CATSPERD: variants seen among roughly 807,000 people sequenced by gnomAD.
The protein encoded by CATSPERD is catsper channel auxiliary subunit delta, also known as cation channel sperm-associated auxiliary subunit delta.
CATSPERD carries 86 observed loss-of-function variants against 98.1 expected under a neutral mutation model. The ratio of observed to expected loss-of-function variants is 0.88; its 90% CI spans 0.74 to 1.05. The LOEUF (loss-of-function observed/expected upper bound fraction) is 1.05. CATSPERD is among the 50% of genes least tolerant of loss of function. The pLI, the probability that CATSPERD is intolerant of heterozygous loss-of-function variation, is 0.00. For missense variants in CATSPERD, 995 were observed against 1,005.7 expected (o/e 0.99, Z 0.14); for synonymous variants, 394 against 390.2 (o/e 1.01, Z -0.12).
chr19:5,748,964 A>G, intron 10 of CATSPERD, 137 bp from the exon 11 acceptor site: 2 of 554,934 alleles, frequency 3.6e-6, no homozygotes, highest in Non-Finnish European at 6.3e-6. Context: ...TCCTGGCCTC[A>G]AGTGATCCAC....
At chr19:5,722,142 A>T (rs912965691) in intron 1 of CATSPERD, among the ~76,000 whole-genome samples, 1 of 151,054 alleles carries the variant, frequency 6.6e-6, no homozygotes, top group Admixed American at 6.6e-5. Context: ...TTTTTTTGAG[A>T]TGGAGTCTTG....
At chr19:5,751,326 C>G (rs2056213531) in intron 11 of CATSPERD, among the ~76,000 whole-genome samples, 1 of 149,390 alleles carries the variant, frequency 6.7e-6, no homozygotes, top group Non-Finnish European at 1.5e-5. Context: ...AGATCGACAC[C>G]ATCCTGGCTA....
intron 20 of CATSPERD, among the ~76,000 whole-genome samples, chr19:5,773,978 T>TTA (rs2056695910): frequency 6.8e-6 from 1 of 147,828 alleles, no homozygotes; most frequent in Admixed American, 6.8e-5. Flanking sequence ...CTTTTTTTTT[T>TTA]TTTTTTTGAG....
chr19:5,772,679 T>C, intron 19 of CATSPERD, 109 bp from the exon 20 acceptor site: 2 of 1,134,298 alleles, frequency 1.8e-6, no homozygotes, highest in Admixed American at 2.2e-5. Context: ...TTCCTCTCTG[T>C]CACCTCCCAC....
At chr19:5,763,468 T>C (rs186024791) in intron 16 of CATSPERD, among the ~76,000 whole-genome samples, 175 bp downstream of exon 16, 31 of 152,224 alleles carry the variant, frequency 2.0e-4, no homozygotes, top group African/African-American at 7.5e-4. Context: ...TAAACATTGA[T>C]GGCATAAAAA....
intron 4 of CATSPERD, among the ~76,000 whole-genome samples, chr19:5,730,568 A>ATAAATAAATAAG (rs1380034195): frequency 2.0e-5 from 3 of 150,324 alleles, no homozygotes; most frequent in Non-Finnish European, 3.0e-5. Flanking sequence ...AATAAAATAA[A>ATAAATAAATAAG]TAAATAAATA....
intron 18 of CATSPERD, 77 bp from the exon 19 acceptor site, chr19:5,770,867 A>G (rs769649353): frequency 7.2e-6 from 11 of 1,517,342 alleles, no homozygotes; most frequent in Non-Finnish European, 9.7e-6. Flanking sequence ...TGCAAAAAAG[A>G]AACTGCGGCT....
chr19:5,758,616 A>G (rs376007088), intron 14 of CATSPERD, among the ~76,000 whole-genome samples: 28 of 149,558 alleles, frequency 1.9e-4, no homozygotes, highest in African/African-American at 6.9e-4. Context: ...GGTGGCGGGC[A>G]CCTGTAGTCC....
At chr19:5,728,376 A>AAAAAG (rs1265840588) in intron 3 of CATSPERD, among the ~76,000 whole-genome samples, 2 of 145,354 alleles carry the variant, frequency 1.4e-5, no homozygotes, top group Admixed American at 1.4e-4. Flanking sequence ...AAAAAAAAAG[A>AAAAAG]AAAAGAAAAG....
Position 5,733,834 on chromosome 19 carries a change from T to A in CATSPERD, c.277-22T>A, listed in dbSNP as rs188708147. ...GTTTGAAAAGATGCTCTCATTGATATCATCCATATGATAACTTTTAGGTCG... is the reference window on the plus strand; with the variant it reads ...GTTTGAAAAGATGCTCTCATTGATAACATCCATATGATAACTTTTAGGTCG... On this transcript the variant is annotated intron_variant, in intron 4 of 21. Coordinates refer to ENST00000381624, the MANE Select transcript of CATSPERD (RefSeq NM_152784.4). 4.1e-6 allele frequency: 6 copies of A among 1,467,632 alleles called. No individual in the cohort carries two copies. The South Asian group carries it at 7.0e-5, about 17-fold the overall frequency. 90.9% of individuals were successfully genotyped at this position (1,467,632 alleles called of 1,614,324 possible). A position where few individuals can be genotyped will look rare whatever the true frequency, so the allele number is the denominator to read the frequency against.
intron 16 of CATSPERD, among the ~76,000 whole-genome samples, chr19:5,765,550 A>T (rs569593088): frequency 1.2e-3 from 178 of 152,178 alleles, no homozygotes; most frequent in Non-Finnish European, 1.9e-3. Context: ...GGTGGCTCAC[A>T]TCTGTATTCC....
chr19:5,776,986 C>T (rs1031606273), intron 21 of CATSPERD, among the ~76,000 whole-genome samples: 8 of 152,206 alleles, frequency 5.3e-5, no homozygotes, highest in Non-Finnish European at 7.4e-5. Context: ...CAGACACTAC[C>T]CAGGAGGCCT....
intron 15 of CATSPERD, among the ~76,000 whole-genome samples, chr19:5,760,380 T>C (rs541058742): frequency 1.4e-5 from 2 of 140,702 alleles, no homozygotes; most frequent in East Asian, 2.1e-4. Context: ...TGCTAGGTGA[T>C]AGAGCAAAAC....
intron 8 of CATSPERD, among the ~76,000 whole-genome samples, 176 bp downstream of exon 8, chr19:5,744,686 C>T (rs985087465): frequency 2.6e-5 from 4 of 151,258 alleles, no homozygotes; most frequent in Non-Finnish European, 4.4e-5. Flanking sequence ...CTGCAACCTC[C>T]ACCTTTCAAC....
At chr19:5,727,225 T>G (rs777204464) in intron 2 of CATSPERD, 43 bp from the exon 3 acceptor site, 2 of 1,453,458 alleles carry the variant, frequency 1.4e-6, no homozygotes, top group East Asian at 4.5e-5. Context: ...ATCAGCTGTT[T>G]ATGGTTATTG....
intron 5 of CATSPERD, among the ~76,000 whole-genome samples, chr19:5,736,143 C>G (rs2055840961): frequency 6.6e-6 from 1 of 151,618 alleles, no homozygotes; most frequent in African/African-American, 2.4e-5. Context: ...AACTCCCGAC[C>G]TCAGGAGATC....
intron 4 of CATSPERD, among the ~76,000 whole-genome samples, chr19:5,731,412 G>A (rs931993457): frequency 9.9e-5 from 15 of 151,742 alleles, no homozygotes; most frequent in Admixed American, 2.0e-4. Context: ...TGCTTGAGCC[G>A]GGAGCTAGAG....
intron 13 of CATSPERD, 110 bp downstream of exon 13, chr19:5,754,355 C>T (rs970590354): frequency 1.4e-5 from 9 of 651,332 alleles, no homozygotes; most frequent in African/African-American, 9.0e-5. Context: ...AGACGCTACT[C>T]GCACACTCAC....
intron 12 of CATSPERD, 44 bp downstream of exon 12, chr19:5,751,867 T>A (rs781007861): frequency 1.9e-6 from 3 of 1,544,228 alleles, no homozygotes; most frequent in Non-Finnish European, 2.6e-6. Context: ...ATGTAGTTTT[T>A]AAAGACAAAT....
Sources: gnomAD v4.1 joint callset for allele counts (sites outside exome capture counted in the v4.1 genomes callset) on GRCh38, gnomAD v4.1.1 for gene constraint, MANE v1.5 for transcripts, NCBI Gene and HGNC (gene_info 2026-07-23, HGNC 2026-07-21) for gene names.